The following CTNNA2 variants were observed in gnomAD, a reference collection of about 807,000 sequenced individuals.
CTNNA2 encodes the protein catenin alpha 2, also known as catenin alpha-2.
In CTNNA2, 42 loss-of-function variants were observed where a neutral mutation model predicts 101.0. The ratio of observed to expected loss-of-function variants is 0.42; its 90% CI spans 0.32 to 0.54. The LOEUF (loss-of-function observed/expected upper bound fraction) is 0.54, where lower values mean the gene tolerates loss of function less well. CTNNA2 is among the 20% of genes least tolerant of loss of function. CTNNA2 has a pLI of 0.14. For missense variants in CTNNA2, 871 were observed against 1,223.1 expected, an observed-to-expected ratio of 0.71 and a Z score of 4.29; for synonymous variants, 450 against 456.4, an observed-to-expected ratio of 0.99 and a Z score of 0.18.
intron 1 of CTNNA2, among the ~76,000 whole-genome samples, chr2:79,518,777 C>G (rs1013852559): frequency 2.0e-5 from 3 of 152,172 alleles, no homozygotes; most frequent in African/African-American, 7.2e-5. Flanking sequence ...GCTAATTGTA[C>G]TCAATTGTTT....
intron 3 of CTNNA2, among the ~76,000 whole-genome samples, chr2:79,832,071 T>C (rs949260456): frequency 6.6e-6 from 1 of 152,174 alleles, no homozygotes; most frequent in Admixed American, 6.5e-5. Context: ...TCCTGTTAAG[T>C]TTTTCAGTTT....
chr2:80,413,498 C>A lies in CTNNA2; in HGVS notation c.1138-5951C>A, dbSNP rs539347209. On this transcript the variant is annotated intron_variant, in intron 8 of 18. Transcript: ENST00000402739. The stretch of plus-strand genomic sequence containing the variant: ...CCTCTCCTCCCGCTACCTGCTCCCA[C>A]CCCAACCTGAACAATGAAGAGTGCC... Among the ~76,000 whole-genome samples, 190 of 152,338 alleles carry A rather than the reference C, an allele frequency of 1.2e-3. 1 individual carries two copies. The highest frequency in any genetic ancestry group is 4.4e-3 in the African/African-American group (183 of 41,588).
intron 7 of CTNNA2, among the ~76,000 whole-genome samples, chr2:80,218,221 C>T (rs1485462697): frequency 6.6e-6 from 1 of 152,224 alleles, no homozygotes; most frequent in Non-Finnish European, 1.5e-5. Flanking sequence ...GAGAAGTAAA[C>T]TGCTTTGGGC....
chr2:80,127,204 CATA>C (rs1211963500), intron 7 of CTNNA2, among the ~76,000 whole-genome samples: 1 of 152,156 alleles, frequency 6.6e-6, no homozygotes, highest in Non-Finnish European at 1.5e-5. Flanking sequence ...CAGTCTTTAT[CATA>C]ATGATTTACT....
chr2:80,482,466 C>T (rs1686225229), intron 9 of CTNNA2, among the ~76,000 whole-genome samples: 1 of 152,144 alleles, frequency 6.6e-6, no homozygotes, highest in Non-Finnish European at 1.5e-5. Context: ...TCTGTCACAA[C>T]TGCTCAACTT....
chr2:80,330,955 C>T (rs1205246843), intron 7 of CTNNA2, among the ~76,000 whole-genome samples: 1 of 151,420 alleles, frequency 6.6e-6, no homozygotes, highest in Admixed American at 6.6e-5. Flanking sequence ...ATCAAAAATT[C>T]TATTTTGGTT....
At chr2:79,442,342 CA>C in intron 4 of CTNNA2, among the ~76,000 whole-genome samples, 1 of 152,250 alleles carries the variant, frequency 6.6e-6, no homozygotes, top group East Asian at 1.9e-4. Flanking sequence ...TCATCATATA[CA>C]AACACATGCT....
rs189537056 is a variant in CTNNA2 at position 79,187,509 on chromosome 2, A to C, written c.-524+2078A>C. On this transcript the variant is annotated intron_variant, in intron 1 of 21. Transcript: ENST00000466387. ...ACTAATAATAAAGGAAATTTGACAG[A>C]AAAGCTATGACCCAATAATCATTGG... Among the ~76,000 whole-genome samples the C allele has an allele frequency of 3.8e-3, 574 of 152,178 alleles. 3 individuals are homozygous for C. Among genetic ancestry groups the C allele is most frequent in the African/African-American group, 0.013 (553 of 41,540 alleles).
At chr2:80,432,225 TC>T (rs1288038886) in intron 9 of CTNNA2, among the ~76,000 whole-genome samples, 1 of 152,156 alleles carries the variant, frequency 6.6e-6, no homozygotes, top group Non-Finnish European at 1.5e-5. Flanking sequence ...ACATTCTCTG[TC>T]CCTCAAAGCC....
At chr2:80,010,902 C>T (rs181784287) in intron 7 of CTNNA2, among the ~76,000 whole-genome samples, 45 of 152,136 alleles carry the variant, frequency 3.0e-4, no homozygotes, top group African/African-American at 6.7e-4. Context: ...TGAAGATCTT[C>T]GAAATCTCTG....
chr2:80,238,247 GCAT>G (rs1272590331), intron 7 of CTNNA2, among the ~76,000 whole-genome samples: 1 of 152,084 alleles, frequency 6.6e-6, no homozygotes, highest in Non-Finnish European at 1.5e-5. Flanking sequence ...GGGAATGGCG[GCAT>G]GGCAGGCAAG....
At chr2:80,455,240 G>A (rs1294693216) in intron 9 of CTNNA2, among the ~76,000 whole-genome samples, 2 of 152,226 alleles carry the variant, frequency 1.3e-5, no homozygotes, top group Non-Finnish European at 2.9e-5. Context: ...CCTATGTCAA[G>A]AAAGAAAGCT....
intron 7 of CTNNA2, among the ~76,000 whole-genome samples, chr2:80,334,627 A>T (rs767201090): frequency 6.6e-6 from 1 of 152,184 alleles, no homozygotes; most frequent in Non-Finnish European, 1.5e-5. Context: ...TTTGAATGTG[A>T]TTATTTTTCC....
intron 6 of CTNNA2, among the ~76,000 whole-genome samples, chr2:79,892,078 T>C (rs1419374545): frequency 6.6e-6 from 1 of 152,116 alleles, no homozygotes; most frequent in African/African-American, 2.4e-5. Context: ...GTATACATGT[T>C]TGCTCTTCTC....
chr2:79,768,675 G>T (rs568363603), intron 3 of CTNNA2, among the ~76,000 whole-genome samples: 1 of 151,946 alleles, frequency 6.6e-6, no homozygotes, highest in East Asian at 2.0e-4. Context: ...CTTCATTTTG[G>T]GGATTAATGT....
At chr2:79,397,769 C>T (rs1470044277) in intron 4 of CTNNA2, among the ~76,000 whole-genome samples, 6 of 152,046 alleles carry the variant, frequency 3.9e-5, no homozygotes, top group Admixed American at 3.3e-4. Context: ...GCTCAAGCTC[C>T]TTCCACCTCA....
chr2:80,186,400 C>T (rs187539252), intron 7 of CTNNA2, among the ~76,000 whole-genome samples: 113 of 152,288 alleles, frequency 7.4e-4, no homozygotes, highest in Middle Eastern at 3.4e-3. Flanking sequence ...CTTGATATCA[C>T]GAACTGTAGC....
chr2:80,061,436 A>G (rs1272132484), intron 7 of CTNNA2, among the ~76,000 whole-genome samples: 1 of 152,198 alleles, frequency 6.6e-6, no homozygotes, highest in East Asian at 1.9e-4. Flanking sequence ...ACATTCTACA[A>G]TGAGCAACTA....
intron 7 of CTNNA2, among the ~76,000 whole-genome samples, chr2:80,336,779 A>G (rs1204807767): frequency 6.6e-6 from 1 of 152,232 alleles, no homozygotes; most frequent in Non-Finnish European, 1.5e-5. Context: ...TAGTTTTAAA[A>G]GCAGGTTCCG....
Sources: gnomAD v4.1 joint callset for allele counts (sites outside exome capture counted in the v4.1 genomes callset) on GRCh38, gnomAD v4.1.1 for gene constraint, MANE v1.5 for transcripts, NCBI Gene and HGNC (gene_info 2026-07-23, HGNC 2026-07-21) for gene names.